Variants in IL1RAPL1 observed in about 807,000 individuals in gnomAD.
IL1RAPL1 encodes the protein interleukin 1 receptor accessory protein like 1.
In IL1RAPL1, 3 loss-of-function variants were observed where a neutral mutation model predicts 48.4. The observed-to-expected ratio is 0.06, with a 90% CI of 0.03 to 0.16. The LOEUF is 0.16. IL1RAPL1 is among the 10% of genes least tolerant of loss of function. The pLI, the probability that IL1RAPL1 is intolerant of heterozygous loss-of-function variation, is 1.00. For synonymous variants in IL1RAPL1, 185 were observed against 187.7 expected, an observed-to-expected ratio of 0.99 and a Z score of 0.12; for missense variants, 349 against 530.6, an observed-to-expected ratio of 0.66 and a Z score of 3.36.
chrX:29,679,659 G>C (rs753688851), intron 6 of IL1RAPL1, among the ~76,000 whole-genome samples: 1 of 111,952 alleles, frequency 8.9e-6, no homozygotes, highest in African/African-American at 3.2e-5. Context: ...AAAAAACCCT[G>C]TCTCTATTTA....
In IL1RAPL1 at chrX:29,668,485, A is replaced by T. The variant is rs142020746; in HGVS notation, c.759A>T (p.Thr253=). Residue 253 remains threonine (T), a synonymous_variant, in exon 6 of 11, where the codon ACA becomes ACT. Coordinates refer to ENST00000378993, the MANE Select transcript of IL1RAPL1 (RefSeq NM_014271.4). ...TGTATCCTATGGAAAGTAAACTGAC[A>T]ATTCAGGAGACCCAGCTGGGTGAGT... ...KLLYPMESKL[T]IQETQLGDSA... 4 of 1,201,775 alleles carry T rather than the reference A, an allele frequency of 3.3e-6. No homozygotes were observed. Among genetic ancestry groups the T allele is most frequent in the Non-Finnish European group, 4.5e-6 (4 of 887,870 alleles).
At chrX:29,150,996 A>G (rs1220251868) in intron 2 of IL1RAPL1, among the ~76,000 whole-genome samples, 2 of 110,695 alleles carry the variant, frequency 1.8e-5, no homozygotes, top group African/African-American at 3.3e-5. Context: ...TGCTAAACCT[A>G]ATGAGCAGAG....
chrX:29,024,136 T>C (rs1295514726), intron 2 of IL1RAPL1, among the ~76,000 whole-genome samples: 2 of 111,801 alleles, frequency 1.8e-5, no homozygotes, highest in Non-Finnish European at 3.8e-5. Flanking sequence ...AGATAAGAAG[T>C]CATAGATCTT....
chrX:29,539,672 C>T (rs183951953), intron 5 of IL1RAPL1, among the ~76,000 whole-genome samples: 12 of 110,429 alleles, frequency 1.1e-4, no homozygotes, highest in Non-Finnish European at 1.9e-4. Flanking sequence ...TTTAAAAATG[C>T]GTAGCACCTC....
chrX:28,969,092 A>T (rs1924992952), intron 2 of IL1RAPL1, among the ~76,000 whole-genome samples: 1 of 112,485 alleles, frequency 8.9e-6, no homozygotes, highest in Non-Finnish European at 1.9e-5. Flanking sequence ...ACTAATGGAC[A>T]GTACATCCTT....
chrX:29,604,210 C>T (rs1200095470), intron 5 of IL1RAPL1, among the ~76,000 whole-genome samples: 1 of 111,980 alleles, frequency 8.9e-6, no homozygotes, highest in Admixed American at 9.5e-5. Context: ...CTACTTTCTC[C>T]TCTGAATAGC....
intron 5 of IL1RAPL1, among the ~76,000 whole-genome samples, chrX:29,552,898 A>G (rs1457834733): frequency 2.1e-5 from 2 of 93,618 alleles, no homozygotes; most frequent in East Asian, 7.1e-4. Context: ...AAGCCTACTG[A>G]TGAGCTCATC....
intron 2 of IL1RAPL1, among the ~76,000 whole-genome samples, chrX:29,101,663 C>T (rs147196740): frequency 1.3e-4 from 15 of 112,104 alleles, no homozygotes; most frequent in African/African-American, 4.5e-4. Context: ...CAGCTGGGCG[C>T]GGTGGCTCAT....
intron 6 of IL1RAPL1, among the ~76,000 whole-genome samples, chrX:29,862,793 G>A (rs921164238): frequency 9.1e-6 from 1 of 109,549 alleles, no homozygotes; most frequent in Non-Finnish European, 1.9e-5. Flanking sequence ...ATGTTTGTAC[G>A]TGTTTGGTGG....
chrX:28,729,058 A>T (rs1935719787), intron 1 of IL1RAPL1, among the ~76,000 whole-genome samples: 1 of 112,050 alleles, frequency 8.9e-6, no homozygotes, highest in Non-Finnish European at 1.9e-5. Context: ...TATATCAAAC[A>T]TTTTGCATGC....
chrX:28,827,917 A>G (rs1225397406), intron 2 of IL1RAPL1, among the ~76,000 whole-genome samples: 2 of 111,959 alleles, frequency 1.8e-5, no homozygotes, highest in African/African-American at 3.2e-5. Flanking sequence ...ACACTTTTAT[A>G]AGTACAGTTT....
At chrX:29,311,891 T>C (rs1226579422) in intron 3 of IL1RAPL1, among the ~76,000 whole-genome samples, 4 of 111,893 alleles carry the variant, frequency 3.6e-5, no homozygotes, top group African/African-American at 1.3e-4. Context: ...TTTTATTTGC[T>C]GATTCATTTA....
intron 2 of IL1RAPL1, among the ~76,000 whole-genome samples, chrX:29,067,375 A>C (rs1927473317): frequency 1.8e-5 from 2 of 112,459 alleles, no homozygotes; most frequent in African/African-American, 6.5e-5. Context: ...TGTTGGTGAA[A>C]TGTGCAAAAT....
intron 5 of IL1RAPL1, among the ~76,000 whole-genome samples, chrX:29,434,661 T>C (rs1239737663): frequency 9.0e-6 from 1 of 111,223 alleles, no homozygotes; most frequent in Admixed American, 9.6e-5. Flanking sequence ...TGAAGGCCAA[T>C]AATTATGCTT....
At chrX:29,735,211 C>T (rs1440164650) in intron 6 of IL1RAPL1, among the ~76,000 whole-genome samples, 1 of 111,257 alleles carries the variant, frequency 9.0e-6, no homozygotes, top group Admixed American at 9.6e-5. Flanking sequence ...TTCCTTGGCT[C>T]ATGGTCTCTT....
intron 2 of IL1RAPL1, among the ~76,000 whole-genome samples, chrX:28,913,391 T>C (rs1440499640): frequency 1.8e-5 from 2 of 111,833 alleles, no homozygotes; most frequent in Non-Finnish European, 3.8e-5. Context: ...TTGTACTTCA[T>C]AGTCTTATGC....
In IL1RAPL1 at chrX:29,561,304, GA is replaced by G. The variant is rs757017378; in HGVS notation, c.704-107124del. Among the ~76,000 whole-genome samples, 11 of 112,388 alleles carry G rather than the reference GA, an allele frequency of 9.8e-5. 1 individual carries two copies. In the East Asian group the frequency reaches 2.0e-3, roughly 20 times the overall value. Reference sequence around the variant, plus strand: ...CAGAGGCTATGGGTAGGGATGGACAGAAGGGCATGCAGAGTGCTTGGAGACA... The same window carrying G: ...CAGAGGCTATGGGTAGGGATGGACAGAGGGCATGCAGAGTGCTTGGAGACA... On this transcript the variant is annotated intron_variant, in intron 5 of 10. Coordinates refer to ENST00000378993, the MANE Select transcript of IL1RAPL1 (RefSeq NM_014271.4).
intron 2 of IL1RAPL1, among the ~76,000 whole-genome samples, chrX:29,055,802 T>G (rs768250193): frequency 1.8e-5 from 2 of 112,009 alleles, no homozygotes; most frequent in East Asian, 5.6e-4. Context: ...GTGTATAGCT[T>G]ATAAGTCATT....
intron 3 of IL1RAPL1, among the ~76,000 whole-genome samples, chrX:29,321,908 TTAAA>T (rs1932806097): frequency 8.9e-6 from 1 of 111,819 alleles, no homozygotes; most frequent in Admixed American, 9.5e-5. Context: ...ATTTTTTTAA[TTAAA>T]TAAGGCTTTC....
Sources: gnomAD v4.1 joint callset for allele counts (sites outside exome capture counted in the v4.1 genomes callset) on GRCh38, gnomAD v4.1.1 for gene constraint, MANE v1.5 for transcripts, NCBI Gene and HGNC (gene_info 2026-07-23, HGNC 2026-07-21) for gene names.